The following PHACTR1 variants were observed in gnomAD, a reference collection of about 807,000 sequenced individuals.
PHACTR1 encodes phosphatase and actin regulator 1.
PHACTR1 carries 16 observed loss-of-function variants against 69.2 expected under a neutral mutation model. That is an observed-to-expected ratio of 0.23 (90% confidence interval 0.16 to 0.35). PHACTR1 has a LOEUF of 0.35. Ranked by LOEUF, PHACTR1 falls within the 10% of genes least tolerant of loss-of-function variation. The probability of loss-of-function intolerance (pLI) is 1.00; values close to 1 mark genes in which losing one functional copy is unlikely to be tolerated. For synonymous variants in PHACTR1, 312 were observed against 284.5 expected (o/e 1.10, Z -0.97); for missense variants, 510 against 734.7 (o/e 0.69, Z 3.54).
chr6:13,002,312 CT>C (rs887919611), intron 4 of PHACTR1, among the ~76,000 whole-genome samples: 3 of 152,058 alleles, frequency 2.0e-5, no homozygotes, highest in Non-Finnish European at 2.9e-5. Context: ...TACATGTCCA[CT>C]TTTTTTTGGT....
Position 12,785,188 on chromosome 6 carries a change from A to T in PHACTR1, c.250+35398A>T, listed in dbSNP as rs138210367. 3.7e-3 allele frequency among the ~76,000 whole-genome samples: 561 copies of T among 152,296 alleles called. 2 individuals are homozygous for T. The highest frequency in any genetic ancestry group is 7.2e-3 in the Admixed American group (110 of 15,292). ...TAGTCTAAGAAGAAATGTAGAACAT[A>T]CCTATGTGAAAAATGCAATTCATCA... On this transcript the variant is annotated intron_variant, in intron 4 of 14. Transcript: ENST00000332995.
At chr6:13,075,166 T>C (rs534625608) in intron 5 of PHACTR1, among the ~76,000 whole-genome samples, 70 of 152,348 alleles carry the variant, frequency 4.6e-4, no homozygotes, top group Non-Finnish European at 8.5e-4. Context: ...TATATATTAC[T>C]TATGTGTCAT....
chr6:13,223,153 C>A (rs189958540), intron 8 of PHACTR1, among the ~76,000 whole-genome samples: 1 of 151,854 alleles, frequency 6.6e-6, no homozygotes, highest in African/African-American at 2.4e-5. Context: ...TAAAAAATAC[C>A]GTACTGACTT....
At chr6:13,053,583 A>C (rs188467256) in intron 5 of PHACTR1, 54 bp downstream of exon 5, 2 of 1,564,662 alleles carry the variant, frequency 1.3e-6, no homozygotes, top group African/African-American at 1.4e-5. Flanking sequence ...CTTCAACTCT[A>C]TTATCTTAAC....
chr6:12,720,428 A>G (rs1761961834), intron 3 of PHACTR1, among the ~76,000 whole-genome samples: 2 of 152,200 alleles, frequency 1.3e-5, no homozygotes, highest in South Asian at 2.1e-4. Context: ...TACGGAAGGA[A>G]AGCAGGCAGT....
intron 4 of PHACTR1, 75 bp from the exon 5 acceptor site, chr6:13,053,290 T>C: frequency 2.2e-6 from 3 of 1,381,476 alleles, no homozygotes; most frequent in Middle Eastern, 2.0e-4. Flanking sequence ...ATGGAAAACG[T>C]TGGCCATCTG....
intron 4 of PHACTR1, among the ~76,000 whole-genome samples, chr6:12,757,278 A>G (rs938859375): frequency 1.3e-5 from 2 of 152,088 alleles, no homozygotes; most frequent in Admixed American, 6.5e-5. Context: ...CCTAAACTAG[A>G]GTGTTCCTGG....
chr6:12,892,627 G>A (rs1487562233), intron 4 of PHACTR1, among the ~76,000 whole-genome samples: 1 of 152,158 alleles, frequency 6.6e-6, no homozygotes. Flanking sequence ...AAAAACATTG[G>A]CAGTTACTGA....
At chr6:13,243,390 GA>G (rs1042262704) in intron 10 of PHACTR1, among the ~76,000 whole-genome samples, 12 of 152,062 alleles carry the variant, frequency 7.9e-5, no homozygotes, top group African/African-American at 2.7e-4. Flanking sequence ...AACTTACCAG[GA>G]GGCAATGAAT....
At chr6:12,939,585 T>G (rs1789846219) in intron 4 of PHACTR1, among the ~76,000 whole-genome samples, 1 of 152,210 alleles carries the variant, frequency 6.6e-6, no homozygotes, top group Non-Finnish European at 1.5e-5. Flanking sequence ...AGCAGTAGAT[T>G]ATACAAGTAG....
intron 3 of PHACTR1, among the ~76,000 whole-genome samples, chr6:12,724,065 C>T (rs752394618): frequency 3.9e-5 from 6 of 152,182 alleles, no homozygotes; most frequent in Non-Finnish European, 7.3e-5. Flanking sequence ...CAGTGGCTCA[C>T]ACCTGTAATC....
intron 5 of PHACTR1, among the ~76,000 whole-genome samples, chr6:13,143,274 CTA>C (rs1583560112): frequency 6.6e-6 from 1 of 152,144 alleles, no homozygotes; most frequent in African/African-American, 2.4e-5. Flanking sequence ...TTAAAAATAA[CTA>C]AAAGTATAAC....
At chr6:12,867,570 A>C (rs1781582334) in intron 4 of PHACTR1, among the ~76,000 whole-genome samples, 1 of 152,226 alleles carries the variant, frequency 6.6e-6, no homozygotes, top group Non-Finnish European at 1.5e-5. Flanking sequence ...AATGTTTGAC[A>C]AGGCGCTAAT....
intron 4 of PHACTR1, among the ~76,000 whole-genome samples, chr6:12,774,421 C>T (rs1405272300): frequency 2.6e-5 from 4 of 151,982 alleles, no homozygotes; most frequent in South Asian, 2.1e-4. Context: ...GATGGCATTT[C>T]GCCCTTGTTG....
At chr6:12,974,652 C>A (rs1344271449) in intron 4 of PHACTR1, among the ~76,000 whole-genome samples, 1 of 152,138 alleles carries the variant, frequency 6.6e-6, no homozygotes, top group African/African-American at 2.4e-5. Context: ...AATTGCGGTG[C>A]CTTTCAATTC....
intron 4 of PHACTR1, among the ~76,000 whole-genome samples, chr6:12,851,285 G>A (rs775374562): frequency 5.3e-5 from 8 of 152,178 alleles, no homozygotes; most frequent in Non-Finnish European, 1.2e-4. Context: ...GTTCAAGGGA[G>A]GCTTGGGAAA....
intron 10 of PHACTR1, among the ~76,000 whole-genome samples, chr6:13,247,826 C>T (rs964783348): frequency 1.3e-5 from 2 of 152,086 alleles, no homozygotes; most frequent in African/African-American, 4.8e-5. Context: ...TGAATAGCCA[C>T]TGCACTCCAG....
At chr6:13,212,543 A>G (rs1048158868) in intron 8 of PHACTR1, among the ~76,000 whole-genome samples, 6 of 152,136 alleles carry the variant, frequency 3.9e-5, no homozygotes, top group Non-Finnish European at 8.8e-5. Context: ...TAATGTGGAC[A>G]GGAACCATCC....
At chr6:12,953,258 G>A (rs2127555941) in intron 4 of PHACTR1, among the ~76,000 whole-genome samples, 1 of 152,294 alleles carries the variant, frequency 6.6e-6, no homozygotes, top group Non-Finnish European at 1.5e-5. Context: ...GGAAGGTGAA[G>A]ATTGCAGTGA....
Sources: allele counts gnomAD v4.1 joint callset (sites outside exome capture counted in the v4.1 genomes callset), GRCh38; gene constraint gnomAD v4.1.1; transcripts MANE v1.5; gene names NCBI Gene and HGNC (gene_info 2026-07-23, HGNC 2026-07-21).